Variants in PDE7B observed in about 807,000 individuals in gnomAD.
PDE7B encodes 3',5'-cyclic-AMP phosphodiesterase 7B.
PDE7B carries 29 observed loss-of-function variants against 56.2 expected under a neutral mutation model. The ratio of observed to expected loss-of-function variants is 0.52; its 90% CI spans 0.38 to 0.70. PDE7B has a LOEUF of 0.70. Ranked by LOEUF, PDE7B falls within the 30% of genes least tolerant of loss-of-function variation. The probability of loss-of-function intolerance (pLI) is 0.00; values close to 1 mark genes in which losing one functional copy is unlikely to be tolerated. For missense variants in PDE7B, 490 were observed against 565.0 expected (o/e 0.87, Z 1.35); for synonymous variants, 197 against 196.9 (o/e 1.00, Z 0.00).
intron 1 of PDE7B, among the ~76,000 whole-genome samples, chr6:135,874,618 A>G (rs1189376437): frequency 6.6e-6 from 1 of 152,132 alleles, no homozygotes; most frequent in Admixed American, 6.5e-5. Flanking sequence ...TGATTCCTAG[A>G]TATCTTTGAG....
chr6:136,189,429 G>T (rs1468986133), intron 12 of PDE7B, among the ~76,000 whole-genome samples: 1 of 152,090 alleles, frequency 6.6e-6, no homozygotes, highest in Non-Finnish European at 1.5e-5. Flanking sequence ...AAATTAGCTG[G>T]GTGTGGTGGC....
intron 2 of PDE7B, among the ~76,000 whole-genome samples, chr6:136,076,516 A>G (rs557314057): frequency 6.6e-6 from 1 of 152,170 alleles, no homozygotes; most frequent in African/African-American, 2.4e-5. Flanking sequence ...AAACTTAGAA[A>G]GCCTCAGGAA....
chr6:135,978,118 CA>C (rs1336504442), intron 2 of PDE7B, among the ~76,000 whole-genome samples: 1 of 152,140 alleles, frequency 6.6e-6, no homozygotes, highest in African/African-American at 2.4e-5. Flanking sequence ...CACACTTACA[CA>C]AACCTGGATG....
chr6:136,075,851 C>G (rs1276152234), intron 2 of PDE7B, among the ~76,000 whole-genome samples: 1 of 152,132 alleles, frequency 6.6e-6, no homozygotes, highest in Non-Finnish European at 1.5e-5. Context: ...CTAGCCCTAA[C>G]GACATTACTC....
At chr6:136,140,805 T>A (rs1328202666) in intron 3 of PDE7B, among the ~76,000 whole-genome samples, 33 of 152,080 alleles carry the variant, frequency 2.2e-4, no homozygotes, top group Admixed American at 1.7e-3. Context: ...TGATTTTTGC[T>A]CATTGATTTT....
intron 2 of PDE7B, among the ~76,000 whole-genome samples, chr6:135,955,250 A>T (rs139716929): frequency 6.6e-6 from 1 of 151,938 alleles, no homozygotes; most frequent in Non-Finnish European, 1.5e-5. Flanking sequence ...AGCATGATAA[A>T]CCACAATCAG....
Position 136,078,807 on chromosome 6 carries a change from A to T in PDE7B, c.83-29924A>T, listed in dbSNP as rs1440942438. ...TGAAAGATATGCACTATACACTCAT[A>T]AAATAGCCTTATAATTTAAAAAAAT... On this transcript the variant is annotated intron_variant, in intron 2 of 12. Coordinates refer to ENST00000308191, the MANE Select transcript of PDE7B (RefSeq NM_018945.4). Among the ~76,000 whole-genome samples, 8 of 152,294 alleles carry T rather than the reference A, an allele frequency of 5.3e-5. No homozygotes were observed. In the East Asian group the frequency reaches 1.3e-3, roughly 26 times the overall value.
intron 12 of PDE7B, among the ~76,000 whole-genome samples, chr6:136,189,867 A>G (rs1779194382): frequency 1.3e-5 from 2 of 152,156 alleles, no homozygotes; most frequent in Admixed American, 1.3e-4. Flanking sequence ...TTAATTTGAA[A>G]AACTGCCTCT....
chr6:136,055,300 T>C (rs763206511), intron 2 of PDE7B, among the ~76,000 whole-genome samples: 5 of 152,232 alleles, frequency 3.3e-5, no homozygotes, highest in Non-Finnish European at 7.3e-5. Context: ...CTCTAACTTC[T>C]GTGCTGTAAA....
At chr6:136,032,778 A>T (rs984420658) in intron 2 of PDE7B, among the ~76,000 whole-genome samples, 1 of 152,178 alleles carries the variant, frequency 6.6e-6, no homozygotes, top group Non-Finnish European at 1.5e-5. Context: ...ACAATATTAA[A>T]TTTTTATAGC....
intron 2 of PDE7B, among the ~76,000 whole-genome samples, chr6:136,017,514 C>T (rs953134486): frequency 2.9e-5 from 4 of 136,614 alleles, no homozygotes; most frequent in Non-Finnish European, 4.9e-5. Flanking sequence ...CGACAGGCCC[C>T]GGTGTGTGAT....
intron 10 of PDE7B, among the ~76,000 whole-genome samples, chr6:136,180,347 G>A (rs983373958): frequency 2.0e-4 from 31 of 152,184 alleles, no homozygotes; most frequent in African/African-American, 6.3e-4. Context: ...CTTGCATTTC[G>A]AAAGAAAGCC....
At chr6:136,143,293 G>A (rs1778358959) in intron 3 of PDE7B, among the ~76,000 whole-genome samples, 2 of 151,908 alleles carry the variant, frequency 1.3e-5, no homozygotes, top group South Asian at 4.2e-4. Context: ...GGCCTAGGCA[G>A]GAGGATCACT....
At chr6:135,910,682 T>C (rs1776196380) in intron 1 of PDE7B, among the ~76,000 whole-genome samples, 1 of 152,334 alleles carries the variant, frequency 6.6e-6, no homozygotes, top group South Asian at 2.1e-4. Flanking sequence ...TCCTTCTTTA[T>C]AGTGCCATAT....
At chr6:135,953,289 T>A (rs1228847802) in intron 2 of PDE7B, among the ~76,000 whole-genome samples, 1 of 152,166 alleles carries the variant, frequency 6.6e-6, no homozygotes, top group Non-Finnish European at 1.5e-5. Flanking sequence ...GAGACCTATA[T>A]ACTGTTTCTT....
At chr6:136,030,812 AAAG>A (rs1328971891) in intron 2 of PDE7B, among the ~76,000 whole-genome samples, 1 of 152,224 alleles carries the variant, frequency 6.6e-6, no homozygotes, top group African/African-American at 2.4e-5. Flanking sequence ...AAAATGCTGG[AAAG>A]AAGGAGTCAT....
At chr6:136,036,195 G>A (rs2128209457) in intron 2 of PDE7B, among the ~76,000 whole-genome samples, 1 of 152,336 alleles carries the variant, frequency 6.6e-6, no homozygotes, top group East Asian at 1.9e-4. Flanking sequence ...GGCTGTCAAA[G>A]TGGTGGAAGT....
chr6:136,191,066 A>C (rs1387996193), intron 12 of PDE7B, among the ~76,000 whole-genome samples: 1 of 135,642 alleles, frequency 7.4e-6, no homozygotes, highest in African/African-American at 3.4e-5. Context: ...CTCTGCAAGT[A>C]ATAGCCAGTA....
chr6:136,184,302 G>A (rs1779112742), intron 11 of PDE7B, among the ~76,000 whole-genome samples: 1 of 152,172 alleles, frequency 6.6e-6, no homozygotes, highest in Non-Finnish European at 1.5e-5. Context: ...ATGAATAAAT[G>A]ATCTAATTGG....
Sources: gnomAD v4.1 joint callset for allele counts (sites outside exome capture counted in the v4.1 genomes callset) on GRCh38, gnomAD v4.1.1 for gene constraint, MANE v1.5 for transcripts, NCBI Gene and HGNC (gene_info 2026-07-23, HGNC 2026-07-21) for gene names.